Variants in CHST6 observed in about 807,000 individuals in gnomAD.
CHST6 encodes the protein N-acetylglucosamine 6-O-sulfotransferase 5.
For synonymous variants in CHST6, 309 were observed against 276.4 expected (o/e 1.12, Z -1.17); for missense variants, 698 against 586.2 (o/e 1.19, Z -1.97).
chr16:75,475,596 T>G lies in CHST6; in HGVS notation c.*3045A>C, dbSNP rs892947592. 1 of 152,234 alleles carries G rather than the reference T, an allele frequency of 6.6e-6. No homozygotes were observed. The highest frequency in any genetic ancestry group is 1.5e-5 in the Non-Finnish European group (1 of 68,048). The allele number at this position is 152,234 out of a possible 1,614,324, so 9.4% of individuals were successfully genotyped here. On this transcript the variant is annotated 3_prime_UTR_variant, in exon 3 of 3. Transcript: ENST00000332272. Reference sequence around the variant, plus strand: ...GCACAAGTATGTACCTACCCAGCCCTGGCTTTACTGTGCCTAGTCAGCCAG... The same window carrying G: ...GCACAAGTATGTACCTACCCAGCCCGGGCTTTACTGTGCCTAGTCAGCCAG...
rs771612939 is a variant in CHST6 at position 75,478,249 on chromosome 16, T to C, written c.*392A>G. 2 of 345,104 alleles carry C rather than the reference T, an allele frequency of 5.8e-6. No individual in the cohort carries two copies. Among genetic ancestry groups the C allele is most frequent in the Non-Finnish European group, 1.1e-5 (2 of 179,678 alleles). 21.4% of individuals were successfully genotyped at this position (345,104 alleles called of 1,614,324 possible). On this transcript the variant is annotated 3_prime_UTR_variant, in exon 3 of 3. Coordinates refer to ENST00000332272, the MANE Select transcript of CHST6 (RefSeq NM_021615.5). ...GTGATGTACAGACCTCTGGAGCCATTTCACCACAGTGCCTCTCCACTCCCA... is the reference window on the plus strand; with the variant it reads ...GTGATGTACAGACCTCTGGAGCCATCTCACCACAGTGCCTCTCCACTCCCA...
intron 1 of CHST6, among the ~76,000 whole-genome samples, chr16:75,494,453 C>T (rs1332604995): frequency 6.6e-6 from 1 of 152,120 alleles, no homozygotes; most frequent in Non-Finnish European, 1.5e-5. Context: ...GACTGCCTTG[C>T]CTCTGTGAAA....
At chr16:75,492,503 T>G (rs1023299630) in intron 1 of CHST6, among the ~76,000 whole-genome samples, 4 of 152,252 alleles carry the variant, frequency 2.6e-5, no homozygotes, top group African/African-American at 9.6e-5. Flanking sequence ...TTTTTAAAAG[T>G]AAATCATACT....
Position 75,478,963 on chromosome 16 carries a change from G to A in CHST6, c.866C>T (p.Ala289Val), listed in dbSNP as rs1205249885. Reference protein sequence around the residue: ...EPLAEIRALYAFTGLSLTPQL... With the variant: ...EPLAEIRALYVFTGLSLTPQL... ...TGGCGTGAGACTGAGCCCAGTGAAG[G>A]CGTAGAGCGCACGGATTTCTGCCAG... The change falls in exon 3 of 3, where the codon GCC becomes GTC. Residue 289 changes from alanine to valine, a missense_variant. By Grantham distance (64) the Ala-to-Val change is moderately conservative. Transcript: ENST00000332272. The A allele has an allele frequency of 6.2e-7, 1 of 1,613,026 alleles. No homozygotes were observed. The highest frequency in any genetic ancestry group is 1.7e-5 in the Admixed American group (1 of 60,032).
At position 75,479,369 on chromosome 16, in the gene CHST6, C is replaced by T. The variant is rs2550908; in HGVS notation, c.460G>A (p.Ala154Thr). The change falls in exon 3 of 3, where the codon GCG (alanine) becomes ACG (threonine). Residue 154 changes from alanine to threonine, a missense_variant. Ala to Thr is a moderately conservative substitution (Grantham distance 58). Transcript: ENST00000332272. ...SSEAVCKPLC[A>T]RQSFTLAREA... is the part of the protein sequence containing the mutation. ...CGGGCCAGGGTGAAGGACTGCCGCG[C>T]GCACAGTGGCTTGCACACGGCCTCG... The T allele has an allele frequency of 4.3e-6, 7 of 1,612,656 alleles. No homozygotes were observed. Among genetic ancestry groups the T allele is most frequent in the East Asian group, 2.2e-5 (1 of 44,886 alleles).
intron 1 of CHST6, among the ~76,000 whole-genome samples, chr16:75,485,100 A>C (rs1450021375): frequency 1.3e-5 from 2 of 152,142 alleles, no homozygotes; most frequent in African/African-American, 4.8e-5. Context: ...GATGATGATG[A>C]AAATGATCAT....
At position 75,474,371 on chromosome 16, in the gene CHST6, G is replaced by T; in HGVS notation, c.*4270C>A. The T allele has an allele frequency of 2.7e-6, 1 of 370,438 alleles. No homozygotes were observed. Among genetic ancestry groups the T allele is most frequent in the East Asian group, 3.9e-5 (1 of 25,926 alleles). 22.9% of individuals were successfully genotyped at this position (370,438 alleles called of 1,614,324 possible). ...TTCAATGTAGCCTCAACCTCCCAGG[G>T]TCAAGCAGTCCTCCCAACTCAGCCT... On this transcript the variant is annotated 3_prime_UTR_variant, in exon 3 of 3. Transcript: ENST00000332272.
In CHST6 at chr16:75,474,648, C is replaced by T. The variant is rs372687437; in HGVS notation, c.*3993G>A. ...GCTGGGAAGCCCAAGATCAAGGAGCCAGCATCTAGCGAGAGCCTTCTTGCT... is the reference window on the plus strand; with the variant it reads ...GCTGGGAAGCCCAAGATCAAGGAGCTAGCATCTAGCGAGAGCCTTCTTGCT... On this transcript the variant is annotated 3_prime_UTR_variant, in exon 3 of 3. Coordinates refer to ENST00000332272, the MANE Select transcript of CHST6 (RefSeq NM_021615.5). 4 of 398,818 alleles carry T rather than the reference C, an allele frequency of 1.0e-5. No homozygotes were observed. The highest frequency in any genetic ancestry group is 8.2e-5 in the African/African-American group (4 of 48,622). The allele number at this position is 398,818 out of a possible 1,614,324, so 24.7% of individuals were successfully genotyped here. A position where few individuals can be genotyped will look rare whatever the true frequency, so the allele number is the denominator to read the frequency against.
At position 75,478,356 on chromosome 16, in the gene CHST6, A is replaced by T; in HGVS notation, c.*285T>A. 1 of 489,822 alleles carries T rather than the reference A, an allele frequency of 2.0e-6. No individual in the cohort carries two copies. Among genetic ancestry groups the T allele is most frequent in the Non-Finnish European group, 3.7e-6 (1 of 268,230 alleles). 30.3% of individuals were successfully genotyped at this position (489,822 alleles called of 1,614,324 possible). On this transcript the variant is annotated 3_prime_UTR_variant, in exon 3 of 3. Transcript: ENST00000332272. ...TTAAAGGGGAAGAAAGCCCTTGAGT[A>T]GGAGCCAAGTCATCTGAACGCACAC... is the stretch of plus-strand genomic sequence containing the variant.
intron 1 of CHST6, among the ~76,000 whole-genome samples, chr16:75,487,750 G>C (rs1270575570): frequency 2.1e-5 from 3 of 145,582 alleles, no homozygotes; most frequent in African/African-American, 7.6e-5. Context: ...AGTGAGCTGA[G>C]ATCGTGCCAC....
chr16:75,480,449 T>C (rs2080127432), intron 2 of CHST6, among the ~76,000 whole-genome samples: 1 of 152,124 alleles, frequency 6.6e-6, no homozygotes, highest in Non-Finnish European at 1.5e-5. Flanking sequence ...TAATACAGGA[T>C]TTAAGTGGAT....
intron 1 of CHST6, chr16:75,490,796 C>T (rs1483156616): frequency 6.6e-6 from 1 of 152,084 alleles, no homozygotes; most frequent in Non-Finnish European, 1.5e-5. Context: ...ACATGAAAAC[C>T]TGCTCATGAA....
intron 1 of CHST6, among the ~76,000 whole-genome samples, chr16:75,491,438 C>T (rs1042826672): frequency 1.3e-5 from 2 of 151,784 alleles, no homozygotes; most frequent in Non-Finnish European, 2.9e-5. Flanking sequence ...GGCACGATCT[C>T]GGCTTACTGC....
chr16:75,480,927 CAAAAAAAAAAAAA>C (rs60465949), intron 2 of CHST6, among the ~76,000 whole-genome samples: 1 of 111,400 alleles, frequency 9.0e-6, no homozygotes, highest in African/African-American at 4.0e-5. Flanking sequence ...AACTTCATTC[CAAAAAAAAAAAAA>C]AAAAAAGAAA....
chr16:75,488,968 C>T (rs562421925), intron 1 of CHST6, among the ~76,000 whole-genome samples: 1 of 151,930 alleles, frequency 6.6e-6, no homozygotes, highest in African/African-American at 2.4e-5. Context: ...ACAAGGAACC[C>T]CTGCAAACAT....
chr16:75,481,823 C>T lies in CHST6; in HGVS notation c.-23G>A. The T allele has an allele frequency of 1.7e-6, 1 of 574,314 alleles. No individual in the cohort carries two copies. Among genetic ancestry groups the T allele is most frequent in the Non-Finnish European group, 3.1e-6 (1 of 323,614 alleles). The allele number at this position is 574,314 out of a possible 1,614,324, so 35.6% of individuals were successfully genotyped here. A position where few individuals can be genotyped will look rare whatever the true frequency, so the allele number is the denominator to read the frequency against. ...GCCAGCTGAGGGGACTCACCACTGTCCAGGGCTGCTGGGAGAGCTGCAACG... is the reference window on the plus strand; with the variant it reads ...GCCAGCTGAGGGGACTCACCACTGTTCAGGGCTGCTGGGAGAGCTGCAACG... On this transcript the variant is annotated 5_prime_UTR_variant, in exon 2 of 3. Transcript: ENST00000332272.
rs1016583958 is a variant in CHST6, at chr16:75,474,936, C to T, written c.*3705G>A. On this transcript the variant is annotated 3_prime_UTR_variant, in exon 3 of 3. Transcript: ENST00000332272. ...TCAGCCTCCCAAGTAGCTGGCCTTA[C>T]AGGCATGTGCCACCACACCTGGCTA... The T allele has an allele frequency of 4.5e-5, 16 of 355,378 alleles. No homozygotes were observed. The highest frequency in any genetic ancestry group is 9.4e-5 in the Admixed American group (2 of 21,260). 22.0% of individuals were successfully genotyped at this position (355,378 alleles called of 1,614,324 possible). A position where few individuals can be genotyped will look rare whatever the true frequency, so the allele number is the denominator to read the frequency against.
chr16:75,485,610 G>A (rs1190345201), intron 1 of CHST6, among the ~76,000 whole-genome samples: 1 of 152,152 alleles, frequency 6.6e-6, no homozygotes, highest in African/African-American at 2.4e-5. Flanking sequence ...AATTGCATTA[G>A]ATATTAGAAA....
In CHST6 at chr16:75,478,336, G is replaced by A. The variant is rs1453734381; in HGVS notation, c.*305C>T. ...GTGTCACCAGAAGGAGAGAGTTAAA[G>A]GGGAAGAAAGCCCTTGAGTAGGAGC... On this transcript the variant is annotated 3_prime_UTR_variant, in exon 3 of 3. Transcript: ENST00000332272. 4.4e-6 allele frequency: 2 copies of A among 449,964 alleles called. No individual in the cohort carries two copies. The highest frequency in any genetic ancestry group is 9.4e-5 in the East Asian group (2 of 21,296). The allele number at this position is 449,964 out of a possible 1,614,324, so 27.9% of individuals were successfully genotyped here. A position where few individuals can be genotyped will look rare whatever the true frequency, so the allele number is the denominator to read the frequency against.
Sources: allele counts gnomAD v4.1 joint callset (sites outside exome capture counted in the v4.1 genomes callset), GRCh38; gene constraint gnomAD v4.1.1; transcripts MANE v1.5; gene names NCBI Gene and HGNC (gene_info 2026-07-23, HGNC 2026-07-21).